The following MYO18B variants were observed in gnomAD, a reference collection of about 807,000 sequenced individuals.
The protein encoded by MYO18B is unconventional myosin-XVIIIb.
In MYO18B, 204 loss-of-function variants were observed where a neutral mutation model predicts 273.0. That is an observed-to-expected ratio of 0.75 (90% CI 0.67 to 0.84). The LOEUF (loss-of-function observed/expected upper bound fraction) is 0.84, where lower values mean the gene tolerates loss of function less well. MYO18B is among the 40% of genes least tolerant of loss of function. The pLI, the probability that MYO18B is intolerant of heterozygous loss-of-function variation, is 0.00. For missense variants in MYO18B, 3,212 were observed against 3,287.6 expected (o/e 0.98, Z 0.56); for synonymous variants, 1,330 against 1,305.7 (o/e 1.02, Z -0.40).
chr22:25,832,622 A>G (rs2089750138), intron 15 of MYO18B, among the ~76,000 whole-genome samples: 1 of 152,170 alleles, frequency 6.6e-6, no homozygotes. Flanking sequence ...GGAAATAGGG[A>G]GTTAAGTCTC....
chr22:25,958,799 T>C (rs1399241307), intron 39 of MYO18B, among the ~76,000 whole-genome samples: 1 of 152,204 alleles, frequency 6.6e-6, no homozygotes, highest in East Asian at 1.9e-4. Context: ...TCTGTTCATG[T>C]CTATGCCACC....
At position 25,876,219 on chromosome 22, in the gene MYO18B, A is replaced by T; in HGVS notation, c.4111A>T (p.Lys1371Ter). ...IRRLAAQCIQ[K>*]NVAVFLAVKD... Reference sequence around the variant, plus strand: ...CCGACTGGCTGCACAGTGCATCCAGAAGAATGTGGCTGTGTTCCTCGCAGT... The same window carrying T: ...CCGACTGGCTGCACAGTGCATCCAGTAGAATGTGGCTGTGTTCCTCGCAGT... The change falls in exon 24 of 44, where the codon AAG becomes TAG. Residue 1371 changes from lysine to a stop codon, truncating the protein, a stop_gained. Coordinates refer to ENST00000335473, the MANE Select transcript of MYO18B (RefSeq NM_032608.7). LOFTEE classifies it high-confidence loss of function. 6.2e-7 allele frequency: 1 copy of T among 1,613,320 alleles called. No individual in the cohort carries two copies. Among genetic ancestry groups the T allele is most frequent in the Non-Finnish European group, 8.5e-7 (1 of 1,179,602 alleles).
chr22:25,849,974 A>G (rs1038580210), intron 20 of MYO18B, among the ~76,000 whole-genome samples: 1 of 152,220 alleles, frequency 6.6e-6, no homozygotes, highest in African/African-American at 2.4e-5. Flanking sequence ...AAGGTGAATC[A>G]GTTGTCCCAG....
intron 34 of MYO18B, among the ~76,000 whole-genome samples, chr22:25,929,483 G>A (rs1300263198): frequency 6.6e-6 from 1 of 152,196 alleles, no homozygotes; most frequent in Non-Finnish European, 1.5e-5. Flanking sequence ...AGCAGCAGAT[G>A]CTAACACCTG....
chr22:25,916,293 T>C (rs763492), intron 33 of MYO18B, among the ~76,000 whole-genome samples: 20,564 of 152,166 alleles, frequency 0.14, 1,844 homozygotes, highest in Non-Finnish European at 0.2. Flanking sequence ...GCTTTTGTTT[T>C]ATTGTTTCTT....
chr22:26,043,668 G>A, the MYO18B span, among the ~76,000 whole-genome samples: 2 of 151,688 alleles, frequency 1.3e-5, no homozygotes, highest in Admixed American at 1.3e-4. Context: ...GCGCCACCAC[G>A]TCCGGCTAAT....
At chr22:25,797,205 G>A (rs371438579) in intron 11 of MYO18B, among the ~76,000 whole-genome samples, 1 of 152,220 alleles carries the variant, frequency 6.6e-6, no homozygotes, top group African/African-American at 2.4e-5. Context: ...TCCAGCCTGG[G>A]CAACAGAGCG....
chr22:25,796,909 C>A (rs919286674), intron 11 of MYO18B, among the ~76,000 whole-genome samples: 4 of 152,184 alleles, frequency 2.6e-5, no homozygotes, highest in African/African-American at 9.6e-5. Context: ...ATCTTCTCCC[C>A]ATCTCTATCT....
chr22:25,829,492 G>A lies in MYO18B; in HGVS notation c.2979+524G>A, dbSNP rs539532546. Reference sequence around the variant, plus strand: ...GTGTGTGAACCAGGAAGCATGTACAGGCATGATCCTGCCAGCCCTTCTTTT... The same window carrying A: ...GTGTGTGAACCAGGAAGCATGTACAAGCATGATCCTGCCAGCCCTTCTTTT... On this transcript the variant is annotated intron_variant, in intron 15 of 43. Transcript: ENST00000335473. Among the ~76,000 whole-genome samples the A allele has an allele frequency of 6.7e-5, 10 of 150,374 alleles. No individual in the cohort carries two copies. The South Asian group carries it at 1.3e-3, about 19-fold the overall frequency.
At chr22:25,759,391 G>C (rs1297780474) in intron 1 of MYO18B, among the ~76,000 whole-genome samples, 1 of 150,730 alleles carries the variant, frequency 6.6e-6, no homozygotes, top group Non-Finnish European at 1.5e-5. Context: ...GATGAAGCTG[G>C]AAACCATCAT....
At chr22:25,761,231 C>T (rs2086303020) in intron 2 of MYO18B, 100 bp downstream of exon 2, 1 of 1,310,356 alleles carries the variant, frequency 7.6e-7, no homozygotes, top group Admixed American at 1.7e-5. Context: ...GGGAGTCTGA[C>T]ATCCAGCCCT....
rs74980404 is a variant in MYO18B, at chr22:25,875,882, C to A, written c.4081-307C>A. On this transcript the variant is annotated intron_variant, in intron 23 of 43. Transcript: ENST00000335473. Reference sequence around the variant, plus strand: ...AACCTAATCCTCATGTAAGATGTAACCTATTGTATAGTTTCTTTTACTCTT... The same window carrying A: ...AACCTAATCCTCATGTAAGATGTAAACTATTGTATAGTTTCTTTTACTCTT... 7.8e-3 allele frequency among the ~76,000 whole-genome samples: 1,189 copies of A among 152,192 alleles called. 17 individuals carry two copies. The highest frequency in any genetic ancestry group is 0.027 in the African/African-American group (1,135 of 41,526).
intron 42 of MYO18B, among the ~76,000 whole-genome samples, chr22:26,012,244 G>A (rs1023012743): frequency 6.6e-6 from 1 of 152,210 alleles, no homozygotes; most frequent in Non-Finnish European, 1.5e-5. Context: ...CATTAATTAT[G>A]GATATGTGAA....
At chr22:25,859,944 C>T (rs998836515) in intron 21 of MYO18B, among the ~76,000 whole-genome samples, 4 of 152,102 alleles carry the variant, frequency 2.6e-5, no homozygotes, top group African/African-American at 4.8e-5. Flanking sequence ...TCCCATTTTC[C>T]GCTACAAGAT....
intron 38 of MYO18B, chr22:25,953,584 C>T (rs1488391062): frequency 2.6e-5 from 4 of 152,170 alleles, no homozygotes; most frequent in Admixed American, 6.5e-5. Flanking sequence ...CTTTGACCCT[C>T]AGTGGTTCCC....
At chr22:25,792,168 C>G (rs2087690595) in intron 11 of MYO18B, among the ~76,000 whole-genome samples, 1 of 152,194 alleles carries the variant, frequency 6.6e-6, no homozygotes, top group East Asian at 1.9e-4. Flanking sequence ...CACTTACTGA[C>G]CGTGCCCTTC....
At chr22:25,780,251 A>G in intron 9 of MYO18B, 53 bp downstream of exon 9, 3 of 1,556,768 alleles carry the variant, frequency 1.9e-6, no homozygotes, top group African/African-American at 1.4e-5. Context: ...CTGTGTCTCT[A>G]ACCCCGGGAC....
At position 25,950,431 on chromosome 22, in the gene MYO18B, A is replaced by T; in HGVS notation, c.5813A>T (p.Lys1938Met). 2 of 1,606,692 alleles carry T rather than the reference A, an allele frequency of 1.2e-6. No homozygotes were observed. Among genetic ancestry groups the T allele is most frequent in the Non-Finnish European group, 1.7e-6 (2 of 1,176,432 alleles). ...QLQLEEAKKEKHKLQEQLQVA... is the reference protein window; with the variant it reads ...QLQLEEAKKEMHKLQEQLQVA... ...CAGCTGGAGGAAGCCAAGAAGGAGAAGCACAAGCTACAAGAACAAGTATGT... is the reference window on the plus strand; with the variant it reads ...CAGCTGGAGGAAGCCAAGAAGGAGATGCACAAGCTACAAGAACAAGTATGT... The change falls in exon 37 of 44, where the codon AAG becomes ATG. Residue 1938 changes from lysine (K) to methionine (M), a missense_variant. Physicochemically the swap from Lys to Met is moderately conservative, Grantham distance 95. Coordinates refer to ENST00000335473, the MANE Select transcript of MYO18B (RefSeq NM_032608.7).
chr22:25,760,110 TAGAAGTC>T (rs925105783), intron 1 of MYO18B, among the ~76,000 whole-genome samples: 1 of 152,116 alleles, frequency 6.6e-6, no homozygotes, highest in Non-Finnish European at 1.5e-5. Context: ...TTCATGGTGT[TAGAAGTC>T]AGAATAGTGG....
Sources: allele counts gnomAD v4.1 joint callset (sites outside exome capture counted in the v4.1 genomes callset), GRCh38; gene constraint gnomAD v4.1.1; transcripts MANE v1.5; gene names NCBI Gene and HGNC (gene_info 2026-07-23, HGNC 2026-07-21).